The following FBXL17 variants were observed in gnomAD, a reference collection of about 807,000 sequenced individuals.
FBXL17 encodes F-box and leucine rich repeat protein 17.
A neutral mutation model predicts 66.2 loss-of-function variants in FBXL17; 22 were observed. The observed-to-expected ratio is 0.33, with a 90% confidence interval of 0.24 to 0.47. The LOEUF (loss-of-function observed/expected upper bound fraction) is 0.47. Ranked by LOEUF, FBXL17 falls within the 20% of genes least tolerant of loss-of-function variation. The pLI, the probability that FBXL17 is intolerant of heterozygous loss-of-function variation, is 1.00. For missense variants in FBXL17, 878 were observed against 948.2 expected (o/e 0.93, Z 0.97); for synonymous variants, 474 against 400.5 (o/e 1.18, Z -2.19).
At chr5:108,082,169 T>C (rs1284053785) in intron 6 of FBXL17, among the ~76,000 whole-genome samples, 13 of 151,424 alleles carry the variant, frequency 8.6e-5, no homozygotes, top group Admixed American at 7.9e-4. Flanking sequence ...CGAGGATACA[T>C]GAAAAATAAG....
At chr5:108,193,831 T>C (rs879850398) in intron 5 of FBXL17, among the ~76,000 whole-genome samples, 2 of 152,132 alleles carry the variant, frequency 1.3e-5, no homozygotes, top group Admixed American at 6.6e-5. Flanking sequence ...CCCACTGCCT[T>C]CTTAATCACA....
intron 6 of FBXL17, among the ~76,000 whole-genome samples, chr5:108,117,968 G>T (rs192391442): frequency 6.6e-6 from 1 of 152,060 alleles, no homozygotes; most frequent in African/African-American, 2.4e-5. Context: ...ACTAGAAACC[G>T]TAAGGAATGA....
At chr5:108,099,731 T>A (rs1056501068) in intron 6 of FBXL17, among the ~76,000 whole-genome samples, 1 of 152,188 alleles carries the variant, frequency 6.6e-6, no homozygotes, top group African/African-American at 2.4e-5. Flanking sequence ...AAGGTCAGAG[T>A]GATCTTCTTG....
chr5:108,350,366 C>T (rs10057896), intron 3 of FBXL17, among the ~76,000 whole-genome samples: 33,815 of 152,084 alleles, frequency 0.22, 4,483 homozygotes, highest in Middle Eastern at 0.32. Context: ...CCACAGATAG[C>T]TGAGAACCAA....
chr5:108,025,359 T>TTA (rs1754761933), intron 6 of FBXL17, among the ~76,000 whole-genome samples: 1 of 152,156 alleles, frequency 6.6e-6, no homozygotes, highest in South Asian at 2.1e-4. Context: ...TAAGTCACTT[T>TTA]TATATTTGAA....
intron 7 of FBXL17, among the ~76,000 whole-genome samples, chr5:107,985,687 A>G (rs930942836): frequency 1.3e-5 from 2 of 152,214 alleles, no homozygotes; most frequent in Non-Finnish European, 2.9e-5. Flanking sequence ...ATGATCTCAT[A>G]TTAAACTATG....
rs374346065 is a variant in FBXL17 at position 108,084,022 on chromosome 5, G to A, written c.1746-63021C>T. Among the ~76,000 whole-genome samples, 48 of 152,282 alleles carry A rather than the reference G, an allele frequency of 3.2e-4. No individual in the cohort carries two copies. The South Asian group carries it at 7.3e-3, about 23-fold the overall frequency. ...ATAAGAAAGCTGGAAAGCTCAGTGT[G>A]TTTAATCGTTTTTACTTAGCAAAGA... is the stretch of plus-strand genomic sequence containing the variant. On this transcript the variant is annotated intron_variant, in intron 6 of 8. Coordinates refer to ENST00000542267, the MANE Select transcript of FBXL17 (RefSeq NM_001163315.3).
intron 5 of FBXL17, among the ~76,000 whole-genome samples, chr5:108,193,540 T>C (rs1035159657): frequency 6.6e-6 from 1 of 152,130 alleles, no homozygotes; most frequent in African/African-American, 2.4e-5. Flanking sequence ...GAGAAGGACT[T>C]GGTTGGACAA....
chr5:108,067,336 C>G (rs916853621), intron 6 of FBXL17, among the ~76,000 whole-genome samples: 1 of 151,926 alleles, frequency 6.6e-6, no homozygotes, highest in Admixed American at 6.6e-5. Flanking sequence ...TCATTTTGTT[C>G]CGATTAGTAA....
intron 6 of FBXL17, among the ~76,000 whole-genome samples, chr5:108,105,051 T>C (rs1749741283): frequency 1.3e-5 from 2 of 152,100 alleles, no homozygotes; most frequent in African/African-American, 4.8e-5. Context: ...CCGTGTTAGC[T>C]AGGATGGTCT....
At chr5:108,367,308 G>C (rs1390046063) in intron 2 of FBXL17, among the ~76,000 whole-genome samples, 2 of 151,698 alleles carry the variant, frequency 1.3e-5, no homozygotes, top group African/African-American at 2.4e-5. Flanking sequence ...AACAGGAAGA[G>C]TAGAAAGTCC....
intron 6 of FBXL17, among the ~76,000 whole-genome samples, chr5:108,183,176 G>A (rs1327117884): frequency 6.6e-6 from 1 of 151,774 alleles, no homozygotes; most frequent in African/African-American, 2.4e-5. Context: ...GAGTAGCCGG[G>A]ATTACAGGCA....
chr5:108,065,172 G>A (rs1748071622), intron 6 of FBXL17, among the ~76,000 whole-genome samples: 1 of 152,018 alleles, frequency 6.6e-6, no homozygotes, highest in South Asian at 2.1e-4. Context: ...GTATGTATAT[G>A]GGTATGATAT....
At chr5:108,038,290 C>T (rs918596360) in intron 6 of FBXL17, among the ~76,000 whole-genome samples, 9 of 151,936 alleles carry the variant, frequency 5.9e-5, no homozygotes, top group Admixed American at 2.6e-4. Context: ...GTTGTAATAA[C>T]AGGACTGTAT....
intron 4 of FBXL17, among the ~76,000 whole-genome samples, chr5:108,283,005 G>A (rs1389679899): frequency 1.3e-5 from 2 of 150,272 alleles, no homozygotes; most frequent in African/African-American, 4.9e-5. Context: ...CTGTATTATA[G>A]ATGACAAAAA....
At chr5:108,312,842 T>G (rs994456885) in intron 4 of FBXL17, among the ~76,000 whole-genome samples, 2 of 152,116 alleles carry the variant, frequency 1.3e-5, no homozygotes, top group South Asian at 4.1e-4. Context: ...AATTTCTAAG[T>G]TATCAGCATA....
At chr5:107,892,196 T>C (rs1231726409) in intron 7 of FBXL17, among the ~76,000 whole-genome samples, 2 of 152,284 alleles carry the variant, frequency 1.3e-5, no homozygotes, top group Middle Eastern at 3.4e-3. Context: ...TTTCACACCA[T>C]CATAAAATTG....
intron 4 of FBXL17, among the ~76,000 whole-genome samples, chr5:108,229,100 G>C (rs576753903): frequency 1.2e-3 from 183 of 152,014 alleles, no homozygotes; most frequent in Non-Finnish European, 2.3e-3. Context: ...TAGCAGTATG[G>C]TCATTTTCAC....
intron 6 of FBXL17, among the ~76,000 whole-genome samples, chr5:108,040,602 C>T (rs1747008988): frequency 6.6e-6 from 1 of 152,072 alleles, no homozygotes; most frequent in African/African-American, 2.4e-5. Context: ...AGAAATATTG[C>T]TGGATTTTAA....
Sources: allele counts gnomAD v4.1 joint callset (sites outside exome capture counted in the v4.1 genomes callset), GRCh38; gene constraint gnomAD v4.1.1; transcripts MANE v1.5; gene names NCBI Gene and HGNC (gene_info 2026-07-23, HGNC 2026-07-21).